Variants in ATP9A observed in about 807,000 individuals in gnomAD.
ATP9A encodes the protein probable phospholipid-transporting ATPase IIA.
In ATP9A, 52 loss-of-function variants were observed where a neutral mutation model predicts 144.1. The observed-to-expected ratio is 0.36, with a 90% confidence interval of 0.29 to 0.45. The LOEUF is 0.45. Ranked by LOEUF, ATP9A falls within the 20% of genes least tolerant of loss-of-function variation. The probability of loss-of-function intolerance (pLI) is 1.00; values close to 1 mark genes in which losing one functional copy is unlikely to be tolerated. For missense variants in ATP9A, 947 were observed against 1,392.7 expected (o/e 0.68, Z 5.09); for synonymous variants, 582 against 557.4 (o/e 1.04, Z -0.62).
intron 14 of ATP9A, among the ~76,000 whole-genome samples, chr20:51,643,175 T>C (rs1263374160): frequency 6.6e-6 from 1 of 152,242 alleles, no homozygotes; most frequent in South Asian, 2.1e-4. Flanking sequence ...CAAGTCATAA[T>C]GAGTCAGCCA....
chr20:51,650,161 C>T (rs76362463), intron 14 of ATP9A, among the ~76,000 whole-genome samples: 5,291 of 152,250 alleles, frequency 0.035, 115 homozygotes, highest in Non-Finnish European at 0.053. Flanking sequence ...CATGTCCTGG[C>T]ACATTTGTAA....
chr20:51,638,071 T>TTATTTATATA (rs2077300968), intron 15 of ATP9A, among the ~76,000 whole-genome samples: 12 of 34,178 alleles, frequency 3.5e-4, no homozygotes, highest in South Asian at 1.4e-3. Context: ...TTTCATCATT[T>TTATTTATATA]TATATATATA....
intron 1 of ATP9A, among the ~76,000 whole-genome samples, chr20:51,754,141 C>T (rs1371267051): frequency 6.6e-6 from 1 of 152,138 alleles, no homozygotes; most frequent in Non-Finnish European, 1.5e-5. Flanking sequence ...CCTGACTTGA[C>T]AATTTAAGCT....
chr20:51,694,361 T>C lies in ATP9A; in HGVS notation c.548-259A>G, dbSNP rs183576850. The stretch of plus-strand genomic sequence containing the variant: ...TGGACTTGTCAAGCTTTAGTGTCTG[T>C]AAAACGTGGAGAAACGCAGACTTCG... On this transcript the variant is annotated intron_variant, in intron 6 of 27. Transcript: ENST00000338821. Among the ~76,000 whole-genome samples, 15 of 152,270 alleles carry C rather than the reference T, an allele frequency of 9.9e-5. No individual in the cohort carries two copies. In the East Asian group the frequency reaches 2.9e-3, roughly 29 times the overall value.
intron 27 of ATP9A, among the ~76,000 whole-genome samples, chr20:51,601,972 T>C (rs1413760262): frequency 1.3e-5 from 2 of 152,070 alleles, no homozygotes; most frequent in South Asian, 4.2e-4. Context: ...TGCTTTTGAT[T>C]TGGTGTTGTC....
At chr20:51,729,469 G>T (rs1308611280) in intron 2 of ATP9A, among the ~76,000 whole-genome samples, 11 of 152,176 alleles carry the variant, frequency 7.2e-5, no homozygotes, top group Admixed American at 7.2e-4. Flanking sequence ...GTACCGGCGG[G>T]CAAGGTGGCT....
At chr20:51,722,601 A>G (rs1459038346) in intron 3 of ATP9A, among the ~76,000 whole-genome samples, 1 of 152,240 alleles carries the variant, frequency 6.6e-6, no homozygotes, top group Non-Finnish European at 1.5e-5. Context: ...AATGATCAAC[A>G]TCACTAATGA....
chr20:51,653,059 G>A (rs1313055414), intron 14 of ATP9A, among the ~76,000 whole-genome samples: 5 of 149,482 alleles, frequency 3.3e-5, no homozygotes, highest in Admixed American at 2.0e-4. Context: ...GCAGTGAGCC[G>A]AGATCACGCC....
chr20:51,640,634 C>T (rs1357065217), intron 14 of ATP9A, among the ~76,000 whole-genome samples: 6 of 152,192 alleles, frequency 3.9e-5, no homozygotes, highest in East Asian at 1.9e-4. Context: ...AGTCATCGCA[C>T]GGGTGTCAAG....
At chr20:51,652,598 T>A (rs141731538) in intron 14 of ATP9A, among the ~76,000 whole-genome samples, 16 of 152,322 alleles carry the variant, frequency 1.1e-4, no homozygotes, top group African/African-American at 3.8e-4. Context: ...TTTAGCCTCC[T>A]CTGAGCCTCA....
chr20:51,607,722 C>G, intron 25 of ATP9A, 138 bp from the exon 26 acceptor site: 1 of 653,120 alleles, frequency 1.5e-6, no homozygotes, highest in Non-Finnish European at 2.7e-6. Flanking sequence ...TCGCACACAT[C>G]TGAACACATT....
At chr20:51,685,604 G>A (rs1039254201) in intron 9 of ATP9A, among the ~76,000 whole-genome samples, 15 of 122,272 alleles carry the variant, frequency 1.2e-4, no homozygotes, top group African/African-American at 4.2e-4. Context: ...AAGAAAAACA[G>A]ACACGAAAAA....
chr20:51,669,903 G>C, intron 13 of ATP9A, 94 bp downstream of exon 13: 1 of 858,018 alleles, frequency 1.2e-6, no homozygotes, highest in Non-Finnish European at 1.9e-6. Context: ...CTTGAAATGG[G>C]TGAATTGTAC....
At position 51,646,016 on chromosome 20, in the gene ATP9A, C is replaced by A. The variant is rs770153151; in HGVS notation, c.1507-6512G>T. On this transcript the variant is annotated intron_variant, in intron 14 of 27. Coordinates refer to ENST00000338821, the MANE Select transcript of ATP9A (RefSeq NM_006045.3). ...TGGATGAATGAACAGATACATTAGACGCGAGCTGGATAAAATGCTGGAAAG... is the reference window on the plus strand; with the variant it reads ...TGGATGAATGAACAGATACATTAGAAGCGAGCTGGATAAAATGCTGGAAAG... Among the ~76,000 whole-genome samples the A allele has an allele frequency of 2.6e-4, 40 of 152,258 alleles. No individual in the cohort carries two copies. The Middle Eastern group carries it at 0.01, about 39-fold the overall frequency.
rs1325802243 is a variant in ATP9A, at chr20:51,599,257, G to A, written c.*1954C>T. 1.3e-5 allele frequency: 2 copies of A among 152,198 alleles called. No individual in the cohort carries two copies. Among genetic ancestry groups the A allele is most frequent in the Non-Finnish European group, 2.9e-5 (2 of 68,030 alleles). 9.4% of individuals were successfully genotyped at this position (152,198 alleles called of 1,614,324 possible). A position where few individuals can be genotyped will look rare whatever the true frequency, so the allele number is the denominator to read the frequency against. ...AAGACTTCCCAGCGTTACAGAGCCA[G>A]GTTCAGCATCTGCAAAGTCTAAATG... is the stretch of plus-strand genomic sequence containing the variant. On this transcript the variant is annotated 3_prime_UTR_variant, in exon 28 of 28. Coordinates refer to ENST00000338821, the MANE Select transcript of ATP9A (RefSeq NM_006045.3).
At chr20:51,683,564 G>C (rs11908064) in intron 9 of ATP9A, among the ~76,000 whole-genome samples, 37,828 of 152,032 alleles carry the variant, frequency 0.25, 5,211 homozygotes, top group East Asian at 0.49. Flanking sequence ...TTATAGGCGT[G>C]AGCCACCTCA....
chr20:51,605,295 G>T lies in ATP9A; in HGVS notation c.2804-275C>A, dbSNP rs138586546. ...AGGGGAGTATCTAGAGTTGATGAAAGAAATAGAAAGTTAAATATAATATTT... is the reference window on the plus strand; with the variant it reads ...AGGGGAGTATCTAGAGTTGATGAAATAAATAGAAAGTTAAATATAATATTT... On this transcript the variant is annotated intron_variant, in intron 26 of 27. Coordinates refer to ENST00000338821, the MANE Select transcript of ATP9A (RefSeq NM_006045.3). Among the ~76,000 whole-genome samples, 662 of 152,348 alleles carry T rather than the reference G, an allele frequency of 4.3e-3. 5 individuals carry two copies. Among genetic ancestry groups the T allele is most frequent in the African/African-American group, 0.015 (631 of 41,590 alleles).
chr20:51,724,763 C>A (rs142895616), intron 3 of ATP9A, among the ~76,000 whole-genome samples: 59 of 152,244 alleles, frequency 3.9e-4, no homozygotes, highest in African/African-American at 1.4e-3. Context: ...GAAAAGGAGG[C>A]GAGGGAAGGA....
intron 13 of ATP9A, among the ~76,000 whole-genome samples, chr20:51,657,444 C>G (rs1182022311): frequency 2.0e-5 from 3 of 152,062 alleles, no homozygotes; most frequent in Non-Finnish European, 2.9e-5. Flanking sequence ...GTGTCGGGGG[C>G]TTTTGACAGA....
Sources: allele counts gnomAD v4.1 joint callset (sites outside exome capture counted in the v4.1 genomes callset), GRCh38; gene constraint gnomAD v4.1.1; transcripts MANE v1.5; gene names NCBI Gene and HGNC (gene_info 2026-07-23, HGNC 2026-07-21).